The following BCL11B variants were observed in gnomAD, a reference collection of about 807,000 sequenced individuals.
BCL11B encodes the protein BCL11 transcription factor B, also known as B-cell lymphoma/leukemia 11B.
Under a neutral mutation model 49.9 loss-of-function variants are expected in BCL11B, and 8 were observed. The ratio of observed to expected loss-of-function variants is 0.16; its 90% CI spans 0.09 to 0.29. BCL11B has a LOEUF of 0.29. Among genes scored for constraint, BCL11B ranks in the 10% least tolerant of loss-of-function variants. The pLI is 1.00. For synonymous variants in BCL11B, 739 were observed against 637.4 expected, an observed-to-expected ratio of 1.16 and a Z score of -2.40; for missense variants, 1,006 against 1,351.0, an observed-to-expected ratio of 0.74 and a Z score of 4.00.
intron 3 of BCL11B, among the ~76,000 whole-genome samples, chr14:99,180,153 G>C (rs997170798): frequency 2.6e-5 from 4 of 152,192 alleles, no homozygotes; most frequent in Admixed American, 6.5e-5. Flanking sequence ...AGGCTGCACT[G>C]TGGAGAGGGG....
chr14:99,233,979 C>T (rs911654676), intron 2 of BCL11B, among the ~76,000 whole-genome samples: 4 of 152,126 alleles, frequency 2.6e-5, no homozygotes, highest in East Asian at 3.9e-4. Context: ...GGTTTCCACA[C>T]GGGGCAGCTC....
intron 3 of BCL11B, among the ~76,000 whole-genome samples, chr14:99,225,409 T>C (rs979511989): frequency 2.6e-4 from 39 of 152,174 alleles, no homozygotes; most frequent in Non-Finnish European, 5.1e-4. Context: ...CAGAGGGCAA[T>C]GCAAGCCTCC....
chr14:99,271,733 A>T lies in BCL11B; in HGVS notation c.-515T>A, dbSNP rs569904498. On this transcript the variant is annotated 5_prime_UTR_variant, in exon 1 of 4. Coordinates refer to ENST00000357195, the MANE Select transcript of BCL11B (RefSeq NM_138576.4). ...AGCGCACTTCTACCAGGAGGGGAAA[A>T]AAAATGCAAACAAATAAAAAAATAA... 3.9e-5 allele frequency among the ~76,000 whole-genome samples: 6 copies of T among 152,050 alleles called. No individual in the cohort carries two copies. The South Asian group carries it at 1.2e-3, about 31-fold the overall frequency.
chr14:99,177,128 C>T (rs1057345706), intron 3 of BCL11B, among the ~76,000 whole-genome samples: 2 of 152,080 alleles, frequency 1.3e-5, no homozygotes, highest in Non-Finnish European at 2.9e-5. Context: ...CTCACACACA[C>T]GCCCAAACAC....
At chr14:99,198,352 C>A (rs1887238694) in intron 3 of BCL11B, among the ~76,000 whole-genome samples, 1 of 152,218 alleles carries the variant, frequency 6.6e-6, no homozygotes, top group African/African-American at 2.4e-5. Context: ...ACACAGACAT[C>A]GAACGGCTGA....
chr14:99,217,205 C>T (rs561399652), intron 3 of BCL11B, among the ~76,000 whole-genome samples: 2 of 152,266 alleles, frequency 1.3e-5, no homozygotes, highest in South Asian at 4.1e-4. Context: ...CACATGCATG[C>T]TCACATATAC....
intron 3 of BCL11B, among the ~76,000 whole-genome samples, chr14:99,226,499 C>A (rs1235719364): frequency 1.3e-5 from 2 of 152,212 alleles, no homozygotes; most frequent in Non-Finnish European, 2.9e-5. Context: ...CATCTCTGTC[C>A]GTATCACCGT....
chr14:99,175,225 C>T lies in BCL11B; in HGVS notation c.1611G>A (p.Glu537=), dbSNP rs1886458728. ...GHEPEEEDEE[E]EEEEEELLLE... ...GTAGCAGCTCCTCCTCCTCCTCCTC[C>T]TCCTCCTCGTCCTCCTCCTCCGGCT... Residue 537 remains glutamate, a synonymous_variant, in exon 4 of 4, where the codon GAG becomes GAA. Coordinates refer to ENST00000357195, the MANE Select transcript of BCL11B (RefSeq NM_138576.4). 1 of 1,551,682 alleles carries T rather than the reference C, an allele frequency of 6.4e-7. No homozygotes were observed. The highest frequency in any genetic ancestry group is 8.7e-7 in the Non-Finnish European group (1 of 1,151,026).
chr14:99,250,129 G>A (rs1566829768), intron 2 of BCL11B, among the ~76,000 whole-genome samples: 1 of 148,316 alleles, frequency 6.7e-6, no homozygotes, highest in Non-Finnish European at 1.5e-5. Context: ...TCCACCTCCT[G>A]GGTTCACACC....
chr14:99,264,639 T>C (rs1299394674), intron 1 of BCL11B: 13 of 152,176 alleles, frequency 8.5e-5, no homozygotes, highest in Admixed American at 8.5e-4. Flanking sequence ...AATGAATTTC[T>C]TGATTTTCAG....
At chr14:99,227,647 G>C (rs59453238) in intron 3 of BCL11B, among the ~76,000 whole-genome samples, 1 of 152,180 alleles carries the variant, frequency 6.6e-6, no homozygotes, top group African/African-American at 2.4e-5. Flanking sequence ...AAAATAACAC[G>C]AGCCTCGTTT....
intron 3 of BCL11B, among the ~76,000 whole-genome samples, chr14:99,200,594 C>T (rs114419519): frequency 6.6e-6 from 1 of 152,228 alleles, no homozygotes; most frequent in African/African-American, 2.4e-5. Context: ...GCCCATGAGG[C>T]AGCGAGGCGG....
intron 3 of BCL11B, among the ~76,000 whole-genome samples, chr14:99,199,689 CGCGCGCGCACGTGCACGTGTGTGCGTGT>C (rs1304441435): frequency 5.0e-4 from 30 of 60,190 alleles, no homozygotes; most frequent in African/African-American, 1.3e-3. Context: ...TGTGTGCGCG[CGCGCGCGCACGTGCACGTGTGTGCGTGT>C]GTGCATGCAT....
chr14:99,270,757 C>T (rs1299107024), intron 1 of BCL11B, among the ~76,000 whole-genome samples: 2 of 144,644 alleles, frequency 1.4e-5, no homozygotes, highest in Non-Finnish European at 3.1e-5. Context: ...GGCTCCCCCT[C>T]CCCCTCCGCT....
At chr14:99,252,697 G>A (rs1889043024) in intron 2 of BCL11B, among the ~76,000 whole-genome samples, 1 of 152,242 alleles carries the variant, frequency 6.6e-6, no homozygotes, top group African/African-American at 2.4e-5. Flanking sequence ...GTCACCTGCT[G>A]CCTGTCTCCG....
At chr14:99,221,190 T>C (rs527463904) in intron 3 of BCL11B, among the ~76,000 whole-genome samples, 1 of 152,280 alleles carries the variant, frequency 6.6e-6, no homozygotes, top group South Asian at 2.1e-4. Context: ...AAAATGTTAA[T>C]AACTGAGTTG....
At position 99,174,828 on chromosome 14, in the gene BCL11B, G is replaced by A; in HGVS notation, c.2008C>T (p.Pro670Ser). The change falls in exon 4 of 4, where the codon CCG becomes TCG. Residue 670 changes from proline (P) to serine (S), a missense_variant. This residue lies in a region of BCL11B where 443 missense variants were observed against 499.7 expected (regional missense o/e 0.89). Transcript: ENST00000357195. The part of the protein sequence containing the change: ...PGTEPFPGLF[P>S]RKPAPLPSPG... Reference sequence around the variant, plus strand: ...CTGGGCAGCGGCGCGGGCTTGCGCGGGAAGAGCCCGGGGAAGGGCTCGGTG... The same window carrying A: ...CTGGGCAGCGGCGCGGGCTTGCGCGAGAAGAGCCCGGGGAAGGGCTCGGTG... 1 of 1,359,268 alleles carries A rather than the reference G, an allele frequency of 7.4e-7. No homozygotes were observed. The highest frequency in any genetic ancestry group is 1.8e-5 in the South Asian group (1 of 54,594). 84.2% of individuals were successfully genotyped at this position (1,359,268 alleles called of 1,614,324 possible).
In BCL11B at chr14:99,174,933, C is replaced by A; in HGVS notation, c.1903G>T (p.Asp635Tyr). 1 of 1,337,290 alleles carries A rather than the reference C, an allele frequency of 7.5e-7. No individual in the cohort carries two copies. Among genetic ancestry groups the A allele is most frequent in the South Asian group, 1.5e-5 (1 of 65,590 alleles). 82.8% of individuals were successfully genotyped at this position (1,337,290 alleles called of 1,614,324 possible). The change falls in exon 4 of 4, where the codon GAC (aspartate) becomes TAC (tyrosine). Residue 635 changes from aspartate (D) to tyrosine (Y), a missense_variant. By Grantham distance (160) the Asp-to-Tyr change is radical (BLOSUM62 -3). Around this residue, in one of 6 missense-constraint regions of BCL11B, gnomAD observed 443 missense variants for 499.7 expected, o/e 0.89. Coordinates refer to ENST00000357195, the MANE Select transcript of BCL11B (RefSeq NM_138576.4). ...CCGCAGCCGCCCGCGTCGTCGTCGT[C>A]GCCCGCGTCCCCGCCGCCCGCCGCA... ...KRAAGGGDAG[D>Y]DDDAGGCGDA...
Position 99,205,809 on chromosome 14 carries a change from C to T in BCL11B, c.640+25536G>A, listed in dbSNP as rs995460734. ...TCCCGGGAGCAGTATGGTTCTTGAC[C>T]ACGGTGGACCAAGTCCAGACAGCCA... On this transcript the variant is annotated intron_variant, in intron 3 of 3. Coordinates refer to ENST00000357195, the MANE Select transcript of BCL11B (RefSeq NM_138576.4). This position sits in a 1 kb window ranked among gnomAD's most constrained non-coding sequence, Gnocchi z 5.0. Among the ~76,000 whole-genome samples, 4 of 152,080 alleles carry T rather than the reference C, an allele frequency of 2.6e-5. No homozygotes were observed. Among genetic ancestry groups the T allele is most frequent in the African/African-American group, 9.7e-5 (4 of 41,414 alleles).
Sources: gnomAD v4.1 joint callset for allele counts (sites outside exome capture counted in the v4.1 genomes callset) on GRCh38, gnomAD v4.1.1 for gene constraint, gnomAD v4.1.1 regional missense constraint, Gnocchi (gnomAD v3.1) non-coding constraint, MANE v1.5 for transcripts, NCBI Gene and HGNC (gene_info 2026-07-23, HGNC 2026-07-21) for gene names.